CD247: variants seen among roughly 807,000 people sequenced by gnomAD.
CD247 encodes the protein T-cell surface glycoprotein CD3 zeta chain.
In CD247, 13 loss-of-function variants were observed where a neutral mutation model predicts 30.0. That is an observed-to-expected ratio of 0.43 (90% confidence interval 0.28 to 0.69). The LOEUF (loss-of-function observed/expected upper bound fraction) is 0.69, where lower values mean the gene tolerates loss of function less well. CD247 is among the 30% of genes least tolerant of loss of function. The pLI is 0.16. For missense variants in CD247, 193 were observed against 212.6 expected (o/e 0.91, Z 0.57); for synonymous variants, 72 against 80.0 (o/e 0.90, Z 0.53).
intron 1 of CD247, among the ~76,000 whole-genome samples, chr1:167,444,852 C>G (rs1651995779): frequency 6.6e-6 from 1 of 152,170 alleles, no homozygotes; most frequent in South Asian, 2.1e-4. Flanking sequence ...CTTCTCTAAG[C>G]CTTCGTTTTC....
At chr1:167,502,997 G>C (rs1423345358) in intron 1 of CD247, among the ~76,000 whole-genome samples, 1 of 152,154 alleles carries the variant, frequency 6.6e-6, no homozygotes, top group Non-Finnish European at 1.5e-5. Context: ...ACTTTGTTAA[G>C]GCAGCCCTAG....
intron 1 of CD247, among the ~76,000 whole-genome samples, chr1:167,447,992 T>C (rs1652172671): frequency 6.6e-6 from 1 of 151,982 alleles, no homozygotes; most frequent in Admixed American, 6.6e-5. Context: ...GGTGTCTGTG[T>C]TGGGCAGGGT....
intron 1 of CD247, among the ~76,000 whole-genome samples, chr1:167,503,564 C>T (rs1450070673): frequency 6.6e-6 from 1 of 152,254 alleles, no homozygotes; most frequent in Non-Finnish European, 1.5e-5. Flanking sequence ...AACCCTTCTT[C>T]AGTGCACTTA....
intron 1 of CD247, among the ~76,000 whole-genome samples, chr1:167,473,938 G>C (rs998592103): frequency 6.6e-6 from 1 of 152,060 alleles, no homozygotes; most frequent in Non-Finnish European, 1.5e-5. Flanking sequence ...TTGCATATCT[G>C]ATGGCTGCTC....
intron 1 of CD247, among the ~76,000 whole-genome samples, chr1:167,488,424 G>GGAGCA (rs774646339): frequency 5.3e-5 from 8 of 152,340 alleles, no homozygotes; most frequent in Admixed American, 3.9e-4. Context: ...TTTATGCCAA[G>GGAGCA]GAGCAGAGTA....
intron 1 of CD247, among the ~76,000 whole-genome samples, chr1:167,513,109 G>A (rs974373951): frequency 3.3e-5 from 5 of 152,060 alleles, no homozygotes; most frequent in Admixed American, 1.3e-4. Context: ...TAGTCCAAAT[G>A]TACAACAATA....
chr1:167,513,567 TA>T lies in CD247; in HGVS notation c.58+4840del, dbSNP rs1655483656. 2.0e-5 allele frequency among the ~76,000 whole-genome samples: 3 copies of T among 152,186 alleles called. No individual in the cohort carries two copies. In the South Asian group the frequency reaches 6.2e-4, roughly 32 times the overall value. On this transcript the variant is annotated intron_variant, in intron 1 of 7. Transcript: ENST00000362089. ...TAAGTATCTTGCTTTTTTTTCTTTC[TA>T]TATTTTGAGGAAACTGGGTGATTGG... is the stretch of plus-strand genomic sequence containing the variant.
At chr1:167,511,202 T>C (rs78980909) in intron 1 of CD247, among the ~76,000 whole-genome samples, 1 of 152,210 alleles carries the variant, frequency 6.6e-6, no homozygotes, top group East Asian at 1.9e-4. Context: ...TGCGTGACGG[T>C]GTGCTGTTCT....
chr1:167,448,320 C>T, intron 1 of CD247: 1 of 982,806 alleles, frequency 1.0e-6, no homozygotes, highest in Non-Finnish European at 1.2e-6. Flanking sequence ...CAGTCCAGGT[C>T]TTAACCACCA....
chr1:167,517,107 G>A (rs914449578), intron 1 of CD247, among the ~76,000 whole-genome samples: 1 of 152,210 alleles, frequency 6.6e-6, no homozygotes, highest in Non-Finnish European at 1.5e-5. Context: ...GGGCTGCTCT[G>A]AGCAAGCTCA....
intron 1 of CD247, among the ~76,000 whole-genome samples, chr1:167,463,469 A>G (rs1653113659): frequency 1.3e-5 from 2 of 152,202 alleles, no homozygotes; most frequent in African/African-American, 4.8e-5. Context: ...AGAAAGGGAG[A>G]GGGAGGCTAA....
intron 1 of CD247, among the ~76,000 whole-genome samples, chr1:167,500,711 A>C (rs558270110): frequency 1.1e-4 from 17 of 152,258 alleles, no homozygotes; most frequent in Non-Finnish European, 2.2e-4. Context: ...CCATGAACAG[A>C]GCAAATCAGA....
intron 1 of CD247, among the ~76,000 whole-genome samples, chr1:167,497,788 T>C (rs1259792373): frequency 2.6e-5 from 4 of 152,108 alleles, no homozygotes; most frequent in African/African-American, 7.2e-5. Flanking sequence ...CCACCTACAA[T>C]ATCTTTCTGG....
intron 1 of CD247, among the ~76,000 whole-genome samples, chr1:167,517,585 C>G (rs1655666876): frequency 6.6e-6 from 1 of 152,230 alleles, no homozygotes; most frequent in Non-Finnish European, 1.5e-5. Flanking sequence ...GGAGCAAGCA[C>G]TCTTGTTGGC....
intron 1 of CD247, among the ~76,000 whole-genome samples, chr1:167,504,942 A>G (rs1427053744): frequency 6.6e-6 from 1 of 152,242 alleles, no homozygotes; most frequent in Non-Finnish European, 1.5e-5. Flanking sequence ...AATCCAATAA[A>G]TGAAAATTCA....
At chr1:167,478,115 T>A (rs779420762) in intron 1 of CD247, among the ~76,000 whole-genome samples, 1 of 152,220 alleles carries the variant, frequency 6.6e-6, no homozygotes, top group African/African-American at 2.4e-5. Context: ...ACCATAGAGC[T>A]GTGAGGGGCT....
chr1:167,441,706 G>A (rs1036009955), intron 1 of CD247, among the ~76,000 whole-genome samples: 5 of 152,224 alleles, frequency 3.3e-5, no homozygotes, highest in African/African-American at 1.2e-4. Flanking sequence ...AACTCCTAGT[G>A]CCATATTAAC....
chr1:167,470,199 C>T (rs541884534), intron 1 of CD247, among the ~76,000 whole-genome samples: 23 of 152,194 alleles, frequency 1.5e-4, no homozygotes, highest in Non-Finnish European at 3.1e-4. Flanking sequence ...CAGGCATGAG[C>T]CACCATGCCT....
chr1:167,451,991 G>A (rs1394692695), intron 1 of CD247, among the ~76,000 whole-genome samples: 1 of 152,210 alleles, frequency 6.6e-6, no homozygotes, highest in Non-Finnish European at 1.5e-5. Flanking sequence ...GGGAGGTGGA[G>A]GCGGGTGGAT....
Sources: gnomAD v4.1 joint callset for allele counts (sites outside exome capture counted in the v4.1 genomes callset) on GRCh38, gnomAD v4.1.1 for gene constraint, MANE v1.5 for transcripts, NCBI Gene and HGNC (gene_info 2026-07-23, HGNC 2026-07-21) for gene names.